The following NR2C2 variants were observed in gnomAD, a reference collection of about 807,000 sequenced individuals.
NR2C2 encodes nuclear receptor subfamily 2 group C member 2.
In NR2C2, 6 loss-of-function variants were observed where a neutral mutation model predicts 62.9. The ratio of observed to expected loss-of-function variants is 0.10; its 90% confidence interval spans 0.05 to 0.19. NR2C2 has a LOEUF of 0.19. NR2C2 is among the 10% of genes least tolerant of loss of function. NR2C2 has a pLI of 1.00. For missense variants in NR2C2, 479 were observed against 762.7 expected, an observed-to-expected ratio of 0.63 and a Z score of 4.38; for synonymous variants, 272 against 273.8, an observed-to-expected ratio of 0.99 and a Z score of 0.07.
intron 1 of NR2C2, among the ~76,000 whole-genome samples, chr3:14,955,643 C>T (rs2039503071): frequency 6.6e-6 from 1 of 152,162 alleles, no homozygotes; most frequent in South Asian, 2.1e-4. Context: ...ATATTACATA[C>T]TCAGAAGGTA....
In NR2C2 at chr3:15,045,405, G is replaced by A. The variant is rs1333186651; in HGVS notation, c.*2397G>A. On this transcript the variant is annotated 3_prime_UTR_variant, in exon 14 of 14. Coordinates refer to ENST00000425241, the MANE Select transcript of NR2C2 (RefSeq NM_001291694.2). ...TGTTGGGCTGTGGTGAAACAACCTT[G>A]CAGAAAACGTGATTTTGCTTGGAAA... The A allele has an allele frequency of 6.5e-6, 1 of 152,680 alleles. No homozygotes were observed. The highest frequency in any genetic ancestry group is 1.5e-5 in the Non-Finnish European group (1 of 68,088). 9.5% of individuals were successfully genotyped at this position (152,680 alleles called of 1,614,324 possible).
chr3:15,015,667 G>A (rs777814171), intron 3 of NR2C2, among the ~76,000 whole-genome samples: 5 of 152,186 alleles, frequency 3.3e-5, no homozygotes, highest in Non-Finnish European at 5.9e-5. Flanking sequence ...TGAGCAGTCC[G>A]GATGAGTGGC....
intron 1 of NR2C2, among the ~76,000 whole-genome samples, chr3:14,954,822 T>C (rs1000132741): frequency 1.3e-5 from 2 of 152,074 alleles, no homozygotes; most frequent in Admixed American, 1.3e-4. Context: ...ACTGTTCATT[T>C]ACGATTTGTG....
intron 1 of NR2C2, among the ~76,000 whole-genome samples, chr3:14,974,696 C>T (rs2040152350): frequency 6.6e-6 from 1 of 151,516 alleles, no homozygotes; most frequent in South Asian, 2.1e-4. Context: ...CTCCACTTCA[C>T]AGGTTCAAGT....
intron 8 of NR2C2, 127 bp downstream of exon 8, chr3:15,028,846 C>A: frequency 2.0e-6 from 2 of 1,007,974 alleles, no homozygotes; most frequent in South Asian, 1.7e-5. Context: ...GTTACAATGA[C>A]CCTGCTCATC....
chr3:15,034,275 T>C (rs2042050309), intron 10 of NR2C2: 1 of 158,884 alleles, frequency 6.3e-6, no homozygotes, highest in Non-Finnish European at 1.4e-5. Flanking sequence ...TCAGAATCTG[T>C]ACTCATCTCC....
chr3:14,966,611 A>C (rs1194995308), intron 1 of NR2C2, among the ~76,000 whole-genome samples: 1 of 152,152 alleles, frequency 6.6e-6, no homozygotes, highest in Non-Finnish European at 1.5e-5. Context: ...TTTAGAAATG[A>C]GCTTTAGTAA....
At chr3:14,978,053 A>G (rs912831814) in intron 1 of NR2C2, among the ~76,000 whole-genome samples, 1 of 152,134 alleles carries the variant, frequency 6.6e-6, no homozygotes, top group African/African-American at 2.4e-5. Flanking sequence ...CAAGAAATAA[A>G]AATATTAAAA....
At chr3:14,949,100 T>C (rs991589400) in intron 1 of NR2C2, among the ~76,000 whole-genome samples, 3 of 152,200 alleles carry the variant, frequency 2.0e-5, no homozygotes, top group African/African-American at 7.2e-5. Flanking sequence ...GCTGAATACA[T>C]GTTGACTTAG....
intron 1 of NR2C2, among the ~76,000 whole-genome samples, chr3:14,957,519 T>A (rs1444146838): frequency 6.6e-6 from 1 of 152,264 alleles, no homozygotes; most frequent in Non-Finnish European, 1.5e-5. Context: ...GAATTTCTTA[T>A]AAAACCTGTC....
chr3:15,033,087 G>A (rs538006325), intron 10 of NR2C2, among the ~76,000 whole-genome samples: 1 of 152,136 alleles, frequency 6.6e-6, no homozygotes, highest in Non-Finnish European at 1.5e-5. Context: ...CGTGCCATCA[G>A]GTGGCTGGCA....
chr3:15,013,446 G>C (rs576429476), intron 2 of NR2C2, 143 bp from the exon 3 acceptor site: 1 of 680,148 alleles, frequency 1.5e-6, no homozygotes, highest in Non-Finnish European at 2.6e-6. Context: ...ATTTTTCTCA[G>C]TTCACCGTGG....
intron 13 of NR2C2, among the ~76,000 whole-genome samples, chr3:15,041,437 G>A (rs1183520090): frequency 2.0e-5 from 3 of 152,192 alleles, no homozygotes; most frequent in Admixed American, 6.5e-5. Context: ...AATGGATGCT[G>A]GTGCTGGAAT....
Position 15,028,587 on chromosome 3 carries a change from C to G in NR2C2, c.800C>G (p.Ala267Gly). ...GTVLLATDSK[A>G]ETSQGALGTL... The stretch of plus-strand genomic sequence containing the variant: ...ATGTCAGTATTTTTTGTTTAATAGG[C>G]TGAAACAAGCCAGGGAGCTCTGGGC... Residue 267 changes from alanine (A) to glycine (G), a missense_variant and splice_region_variant, in exon 8 of 14, where the codon GCT (alanine) becomes GGT (glycine). Physicochemically the swap from Ala to Gly is moderately conservative, Grantham distance 60. Around this residue, in one of 4 missense-constraint regions of NR2C2, gnomAD observed 151 missense variants for 176.1 expected, o/e 0.86. Coordinates refer to ENST00000425241, the MANE Select transcript of NR2C2 (RefSeq NM_001291694.2). The G allele has an allele frequency of 6.2e-7, 1 of 1,611,390 alleles. No homozygotes were observed. Among genetic ancestry groups the G allele is most frequent in the Non-Finnish European group, 8.5e-7 (1 of 1,177,988 alleles).
At chr3:15,042,085 T>C (rs747898776) in intron 13 of NR2C2, among the ~76,000 whole-genome samples, 2 of 152,170 alleles carry the variant, frequency 1.3e-5, no homozygotes, top group Non-Finnish European at 2.9e-5. Context: ...CTGTCACACA[T>C]GGCACTGCAG....
At chr3:14,954,863 C>T (rs1247488960) in intron 1 of NR2C2, among the ~76,000 whole-genome samples, 4 of 152,246 alleles carry the variant, frequency 2.6e-5, no homozygotes, top group Admixed American at 2.0e-4. Flanking sequence ...TGGAGTCTCC[C>T]TCTGCCGCCC....
intron 1 of NR2C2, among the ~76,000 whole-genome samples, chr3:14,979,994 A>G (rs1180830786): frequency 6.6e-6 from 1 of 152,090 alleles, no homozygotes; most frequent in Non-Finnish European, 1.5e-5. Flanking sequence ...GATGGTGGGC[A>G]AATTTGGGGT....
rs548713009 is a variant in NR2C2, at chr3:15,035,107, C to T, written c.1372+298C>T. 2.6e-5 allele frequency among the ~76,000 whole-genome samples: 4 copies of T among 152,194 alleles called. No homozygotes were observed. In the South Asian group the frequency reaches 6.2e-4, roughly 24 times the overall value. On this transcript the variant is annotated intron_variant, in intron 11 of 13. Coordinates refer to ENST00000425241, the MANE Select transcript of NR2C2 (RefSeq NM_001291694.2). The stretch of plus-strand genomic sequence containing the variant: ...AGGAGTTTGAGACCAGTCTGGGCAA[C>T]ATAACGAGACCTTGTCTTTACAAAA...
At position 15,024,148 on chromosome 3, in the gene NR2C2, G is replaced by A. The variant is rs780700639; in HGVS notation, c.738G>A (p.Val246=). The change falls in exon 7 of 14, where the codon GTG becomes GTA. Residue 246 remains valine, a synonymous_variant. Coordinates refer to ENST00000425241, the MANE Select transcript of NR2C2 (RefSeq NM_001291694.2). ...QTGLLDPGML[V]NIQQPLIRED... ...GTCTTCTTGATCCAGGGATGCTTGTGAACATCCAGCAGCCTTTGATACGTG... is the reference window on the plus strand; with the variant it reads ...GTCTTCTTGATCCAGGGATGCTTGTAAACATCCAGCAGCCTTTGATACGTG... The A allele has an allele frequency of 2.3e-5, 37 of 1,612,874 alleles. No homozygotes were observed. The South Asian group carries it at 3.6e-4, about 16-fold the overall frequency.
Sources: gnomAD v4.1 joint callset for allele counts (sites outside exome capture counted in the v4.1 genomes callset) on GRCh38, gnomAD v4.1.1 for gene constraint, gnomAD v4.1.1 regional missense constraint, MANE v1.5 for transcripts, NCBI Gene and HGNC (gene_info 2026-07-23, HGNC 2026-07-21) for gene names.